EPAS1: variants seen among roughly 807,000 people sequenced by gnomAD.
The protein encoded by EPAS1 is endothelial PAS domain-containing protein 1.
EPAS1 carries 23 observed loss-of-function variants against 87.9 expected under a neutral mutation model. That is an observed-to-expected ratio of 0.26 (90% CI 0.19 to 0.37). The LOEUF (loss-of-function observed/expected upper bound fraction) is 0.37, where lower values mean the gene tolerates loss of function less well. Ranked by LOEUF, EPAS1 falls within the 10% of genes least tolerant of loss-of-function variation. EPAS1 has a pLI of 1.00. For synonymous variants in EPAS1, 508 were observed against 444.3 expected, an observed-to-expected ratio of 1.14 and a Z score of -1.80; for missense variants, 1,138 against 1,120.7, an observed-to-expected ratio of 1.02 and a Z score of -0.22.
At chr2:46,352,353 C>T (rs1684182748) in intron 2 of EPAS1, among the ~76,000 whole-genome samples, 1 of 152,220 alleles carries the variant, frequency 6.6e-6, no homozygotes, top group Non-Finnish European at 1.5e-5. Flanking sequence ...TTCAGTATCC[C>T]TGATTCTCCT....
rs1363947709 is a variant in EPAS1 at position 46,356,918 on chromosome 2, A to C, written c.454+110A>C. ...CTCATGGCCCTTGTGATGCAGGAAA[A>C]ATGGATGTCCTTAAAAAATTTAAGT... On this transcript the variant is annotated intron_variant, in intron 4 of 15. Coordinates refer to ENST00000263734, the MANE Select transcript of EPAS1 (RefSeq NM_001430.5). 5 of 809,602 alleles carry C rather than the reference A, an allele frequency of 6.2e-6. No homozygotes were observed. The East Asian group carries it at 1.1e-4, about 17-fold the overall frequency. The allele number at this position is 809,602 out of a possible 1,614,324, so 50.2% of individuals were successfully genotyped here.
At position 46,298,006 on chromosome 2, in the gene EPAS1, G is replaced by T; in HGVS notation, c.26+69G>T. 2.5e-6 allele frequency: 4 copies of T among 1,579,740 alleles called. No individual in the cohort carries two copies. The South Asian group carries it at 3.4e-5, about 13-fold the overall frequency. On this transcript the variant is annotated intron_variant, in intron 1 of 15. Transcript: ENST00000263734. Reference sequence around the variant, plus strand: ...GGGCCGGGCTGCGCGGGGCAGGCGCGACCGAGAGTGGTTGGGAGAAGAGTG... The same window carrying T: ...GGGCCGGGCTGCGCGGGGCAGGCGCTACCGAGAGTGGTTGGGAGAAGAGTG...
intron 1 of EPAS1, among the ~76,000 whole-genome samples, chr2:46,313,933 G>A (rs1313998402): frequency 6.6e-6 from 1 of 152,198 alleles, no homozygotes; most frequent in African/African-American, 2.4e-5. Flanking sequence ...GAGGTTGTCA[G>A]GTCTTTGTCT....
intron 13 of EPAS1, 116 bp downstream of exon 13, chr2:46,381,838 G>A: frequency 6.4e-7 from 1 of 1,566,292 alleles, no homozygotes; most frequent in South Asian, 1.2e-5. Flanking sequence ...GGGAACCCAG[G>A]GCTGCTGAGA....
intron 1 of EPAS1, among the ~76,000 whole-genome samples, chr2:46,342,826 C>T (rs1683938199): frequency 6.6e-6 from 1 of 152,116 alleles, no homozygotes; most frequent in South Asian, 2.1e-4. Flanking sequence ...TGTAGCATAT[C>T]TCTGCTGACA....
At position 46,381,069 on chromosome 2, in the gene EPAS1, A is replaced by AAGAT. The variant is rs541327651; in HGVS notation, c.2045+354_2045+357dup. Reference sequence around the variant, plus strand: ...ATTTTCCCTGGTTGAAAACAGCAAAAAGATACCCCTGCCTCCCCTTGCCTT... The same window carrying AAGAT: ...ATTTTCCCTGGTTGAAAACAGCAAAAAGATAGATACCCCTGCCTCCCCTTGCCTT... On this transcript the variant is annotated intron_variant, in intron 12 of 15. Transcript: ENST00000263734. 1.8e-3 allele frequency: 693 copies of AAGAT among 376,900 alleles called. 16 individuals carry two copies. Among genetic ancestry groups the AAGAT allele is most frequent in the South Asian group, 0.014 (524 of 36,496 alleles). 23.3% of individuals were successfully genotyped at this position (376,900 alleles called of 1,614,324 possible). A position where few individuals can be genotyped will look rare whatever the true frequency, so the allele number is the denominator to read the frequency against.
At chr2:46,358,392 C>T (rs964853954) in intron 4 of EPAS1, among the ~76,000 whole-genome samples, 2 of 152,180 alleles carry the variant, frequency 1.3e-5, no homozygotes, top group African/African-American at 4.8e-5. Context: ...TTCTAAAGCT[C>T]TCTAAAAAGA....
At chr2:46,323,225 A>G (rs1290340065) in intron 1 of EPAS1, among the ~76,000 whole-genome samples, 1 of 152,168 alleles carries the variant, frequency 6.6e-6, no homozygotes, top group African/African-American at 2.4e-5. Context: ...AAGCTGCTAT[A>G]TTTTGTCTAA....
rs752758383 is a variant in EPAS1, at chr2:46,380,346, C to T, written c.1674C>T (p.Ser558=). ...EERLLAENPQ[S]TPQHCFSAMT... ...GGCTCTTGGCGGAGAACCCACAGTC[C>T]ACCCCCCAGCACTGCTTCAGTGCCA... Residue 558 remains serine (S), a synonymous_variant, in exon 12 of 16, where the codon TCC becomes TCT. Transcript: ENST00000263734. This position sits in a 1 kb window ranked among gnomAD's most constrained non-coding sequence, Gnocchi z 4.4. 1 of 1,614,120 alleles carries T rather than the reference C, an allele frequency of 6.2e-7. No individual in the cohort carries two copies. Among genetic ancestry groups the T allele is most frequent in the South Asian group, 1.1e-5 (1 of 91,084 alleles).
intron 14 of EPAS1, 152 bp downstream of exon 14, chr2:46,382,241 TCCCACA>T: frequency 9.5e-7 from 1 of 1,053,186 alleles, no homozygotes; most frequent in South Asian, 1.3e-5. Flanking sequence ...TCTCCCGCAG[TCCCACA>T]CACCCAACTT....
intron 4 of EPAS1, among the ~76,000 whole-genome samples, chr2:46,359,206 C>G (rs1318868755): frequency 7.3e-6 from 1 of 136,094 alleles, no homozygotes; most frequent in East Asian, 2.2e-4. Flanking sequence ...TTGCAGTGAG[C>G]CAAGATCACG....
intron 11 of EPAS1, among the ~76,000 whole-genome samples, chr2:46,379,292 G>A (rs991258005): frequency 6.6e-6 from 1 of 152,146 alleles, no homozygotes; most frequent in Non-Finnish European, 1.5e-5. Flanking sequence ...CAAGGATAAG[G>A]TAGAGGGAGG....
At position 46,369,822 on chromosome 2, in the gene EPAS1, C is replaced by A. The variant is rs752883591; in HGVS notation, c.780-5C>A. ...TCCTTACATGCTGCCTTTTTAAAAA[C>A]TCAGAATCACAGAACTGATTGGTTA... On this transcript the variant is annotated splice_polypyrimidine_tract_variant and splice_region_variant and intron_variant, in intron 6 of 15. Transcript: ENST00000263734. 1.1e-5 allele frequency: 18 copies of A among 1,609,988 alleles called. No individual in the cohort carries two copies. The highest frequency in any genetic ancestry group is 1.4e-5 in the Non-Finnish European group (17 of 1,177,488).
chr2:46,338,816 C>T (rs1275326520), intron 1 of EPAS1, among the ~76,000 whole-genome samples: 1 of 151,878 alleles, frequency 6.6e-6, no homozygotes, highest in East Asian at 1.9e-4. Context: ...TCTTCCTTCC[C>T]TCTGATACTG....
chr2:46,365,614 A>C (rs545645185), intron 6 of EPAS1, among the ~76,000 whole-genome samples: 1 of 152,258 alleles, frequency 6.6e-6, no homozygotes, highest in African/African-American at 2.4e-5. Context: ...CACAGACAGG[A>C]TAGAAATGGA....
At chr2:46,309,055 A>C (rs1683164057) in intron 1 of EPAS1, among the ~76,000 whole-genome samples, 2 of 152,248 alleles carry the variant, frequency 1.3e-5, no homozygotes. Context: ...TCCCCACAGA[A>C]GTCAGAATAG....
In EPAS1 at chr2:46,384,995, A is replaced by C; in HGVS notation, c.*335A>C. The C allele has an allele frequency of 2.8e-6, 1 of 352,162 alleles. No homozygotes were observed. The highest frequency in any genetic ancestry group is 5.4e-6 in the Non-Finnish European group (1 of 184,740). The allele number at this position is 352,162 out of a possible 1,614,324, so 21.8% of individuals were successfully genotyped here. A position where few individuals can be genotyped will look rare whatever the true frequency, so the allele number is the denominator to read the frequency against. On this transcript the variant is annotated 3_prime_UTR_variant, in exon 16 of 16. Transcript: ENST00000263734. ...TTCTCACACACAACTGTCCATACTAACAAGTTTGGTGCATGTCTGTTCTTC... is the reference window on the plus strand; with the variant it reads ...TTCTCACACACAACTGTCCATACTACCAAGTTTGGTGCATGTCTGTTCTTC...
In EPAS1 at chr2:46,380,453, G is replaced by A. The variant is rs780663606; in HGVS notation, c.1781G>A (p.Ser594Asn). The A allele has an allele frequency of 1.9e-6, 3 of 1,614,052 alleles. No individual in the cohort carries two copies. Among genetic ancestry groups the A allele is most frequent in the African/African-American group, 2.7e-5 (2 of 74,930 alleles). The change falls in exon 12 of 16, where the codon AGC (serine) becomes AAC (asparagine). Residue 594 changes from serine to asparagine, a missense_variant. By Grantham distance (46) the Ser-to-Asn change is conservative (BLOSUM62 1). This residue lies in a region of EPAS1 where 502 missense variants were observed against 427.1 expected (regional missense o/e 1.18). Transcript: ENST00000263734. This position sits in a 1 kb window ranked among gnomAD's most constrained non-coding sequence, Gnocchi z 4.4. The stretch of plus-strand genomic sequence containing the variant: ...GACAAGTTTCAGCAGCAGCTGGAGA[G>A]CAAGAAGACAGAGCCCGAGCACCGG... ...LLDKFQQQLE[S>N]KKTEPEHRPM...
chr2:46,385,138 G>T lies in EPAS1; in HGVS notation c.*478G>T, dbSNP rs1456632851. 6.1e-6 allele frequency: 1 copy of T among 164,594 alleles called. No homozygotes were observed. The highest frequency in any genetic ancestry group is 2.4e-5 in the African/African-American group (1 of 41,448). 10.2% of individuals were successfully genotyped at this position (164,594 alleles called of 1,614,324 possible). A position where few individuals can be genotyped will look rare whatever the true frequency, so the allele number is the denominator to read the frequency against. ...TGGTTTGTGGCGTCTCCCTCGCAGA[G>T]CCCTTCTCGTTTCTTTTTTAAACTA... On this transcript the variant is annotated 3_prime_UTR_variant, in exon 16 of 16. Transcript: ENST00000263734.
Sources: allele counts gnomAD v4.1 joint callset (sites outside exome capture counted in the v4.1 genomes callset), GRCh38; gene constraint gnomAD v4.1.1; regional missense constraint gnomAD v4.1.1; non-coding constraint Gnocchi (gnomAD v3.1); transcripts MANE v1.5; gene names NCBI Gene and HGNC (gene_info 2026-07-23, HGNC 2026-07-21).